Variants in TIAM1 observed in about 807,000 individuals in gnomAD.
The protein encoded by TIAM1 is TIAM Rac1 associated GEF 1.
Under a neutral mutation model 163.5 loss-of-function variants are expected in TIAM1, and 65 were observed. The ratio of observed to expected loss-of-function variants is 0.40; its 90% CI spans 0.33 to 0.49. The LOEUF is 0.49. Among genes scored for constraint, TIAM1 ranks in the 20% least tolerant of loss-of-function variants. The pLI is 0.77. For synonymous variants in TIAM1, 833 were observed against 810.1 expected (o/e 1.03, Z -0.48); for missense variants, 1,789 against 2,044.7 (o/e 0.87, Z 2.41).
chr21:31,358,230 T>C (rs1432511941), intron 2 of TIAM1, among the ~76,000 whole-genome samples: 5 of 152,164 alleles, frequency 3.3e-5, no homozygotes, highest in Non-Finnish European at 2.9e-5. Flanking sequence ...ACAAGGATGA[T>C]GGGCAGTATT....
At chr21:31,210,003 A>C (rs2086642384) in intron 11 of TIAM1, 42 bp downstream of exon 11, 2 of 1,590,778 alleles carry the variant, frequency 1.3e-6, no homozygotes, top group Non-Finnish European at 1.7e-6. Context: ...GCTACACCCC[A>C]TTCTGCTCTT....
chr21:31,199,932 A>C (rs560231313), intron 12 of TIAM1, among the ~76,000 whole-genome samples: 29 of 151,764 alleles, frequency 1.9e-4, no homozygotes, highest in East Asian at 7.7e-4. Flanking sequence ...AAAACACACA[A>C]AAAATAAATA....
chr21:31,253,506 C>T (rs2071932177), intron 4 of TIAM1, among the ~76,000 whole-genome samples: 1 of 152,186 alleles, frequency 6.6e-6, no homozygotes, highest in Non-Finnish European at 1.5e-5. Context: ...ACGAACTTCA[C>T]TTAGTTCTAA....
At chr21:31,315,679 C>CAAATAAAAAAAAA (rs2075094718) in intron 2 of TIAM1, among the ~76,000 whole-genome samples, 1 of 80,250 alleles carries the variant, frequency 1.2e-5, no homozygotes, top group Admixed American at 1.6e-4. Context: ...AACTCCATCT[C>CAAATAAAAAAAAA]AAAAAAAAAA....
intron 1 of TIAM1, among the ~76,000 whole-genome samples, chr21:31,472,799 T>C (rs2045793767): frequency 6.6e-6 from 1 of 152,240 alleles, no homozygotes. Flanking sequence ...TAACAGCATC[T>C]AGCTAACAAG....
chr21:31,498,040 G>C (rs1031008094), intron 1 of TIAM1, among the ~76,000 whole-genome samples: 1 of 152,198 alleles, frequency 6.6e-6, no homozygotes, highest in Non-Finnish European at 1.5e-5. Context: ...TCCTCCATGT[G>C]ACTGTCACAA....
intron 2 of TIAM1, among the ~76,000 whole-genome samples, chr21:31,397,502 T>G (rs571423211): frequency 6.6e-6 from 1 of 152,156 alleles, no homozygotes; most frequent in Non-Finnish European, 1.5e-5. Context: ...CCACCCAAAA[T>G]GAACATTTCT....
At chr21:31,337,306 G>A (rs2075871914) in intron 2 of TIAM1, among the ~76,000 whole-genome samples, 1 of 151,924 alleles carries the variant, frequency 6.6e-6, no homozygotes, top group African/African-American at 2.4e-5. Flanking sequence ...GCCCTTGCTA[G>A]GGATGCCCTG....
intron 2 of TIAM1, among the ~76,000 whole-genome samples, chr21:31,414,610 T>A (rs2043310265): frequency 6.6e-6 from 1 of 152,102 alleles, no homozygotes; most frequent in African/African-American, 2.4e-5. Flanking sequence ...CTTCCAGAAC[T>A]AAAATATTAA....
chr21:31,200,893 C>T (rs2086163214), intron 12 of TIAM1, among the ~76,000 whole-genome samples: 1 of 151,360 alleles, frequency 6.6e-6, no homozygotes, highest in South Asian at 2.1e-4. Flanking sequence ...GGCTGGAGAC[C>T]TTCTGCAACA....
rs146975814 is a variant in TIAM1, at chr21:31,538,848, T to C, written c.-422+20079A>G. Among the ~76,000 whole-genome samples the C allele has an allele frequency of 2.6e-5, 4 of 152,282 alleles. No homozygotes were observed. The East Asian group carries it at 7.7e-4, about 29-fold the overall frequency. On this transcript the variant is annotated intron_variant, in intron 1 of 28. Transcript: ENST00000286827. ...CTGAAACAAAAGACCAAAAATGGAC[T>C]TTCCCCAAGAAGTGGTGGGAGGAGG...
At chr21:31,187,658 A>C (rs73191666) in intron 13 of TIAM1, among the ~76,000 whole-genome samples, 12,315 of 152,226 alleles carry the variant, frequency 0.081, 673 homozygotes, top group Admixed American at 0.19. Flanking sequence ...TCATAAGATT[A>C]TCTTATACTT....
chr21:31,316,851 C>T (rs928686627), intron 2 of TIAM1, among the ~76,000 whole-genome samples: 25 of 152,122 alleles, frequency 1.6e-4, no homozygotes, highest in Non-Finnish European at 1.2e-4. Flanking sequence ...CACCGTGGAT[C>T]GTGAGGTAAC....
At chr21:31,368,961 C>T (rs557672915) in intron 2 of TIAM1, among the ~76,000 whole-genome samples, 13 of 152,064 alleles carry the variant, frequency 8.5e-5, no homozygotes, top group South Asian at 8.3e-4. Context: ...GATGATAGGT[C>T]GGGCGTGGTG....
intron 9 of TIAM1, among the ~76,000 whole-genome samples, chr21:31,215,410 A>T (rs1399006249): frequency 6.6e-6 from 1 of 151,766 alleles, no homozygotes; most frequent in Non-Finnish European, 1.5e-5. Context: ...CCAACACAAA[A>T]GTTAGCTGGG....
At chr21:31,333,296 G>C (rs2075736165) in intron 2 of TIAM1, among the ~76,000 whole-genome samples, 1 of 152,112 alleles carries the variant, frequency 6.6e-6, no homozygotes, top group South Asian at 2.1e-4. Flanking sequence ...AGTAAAACTG[G>C]AATATTAACA....
Position 31,136,001 on chromosome 21 carries a change from G to A in TIAM1, c.3815C>T (p.Thr1272Ile). 1.2e-6 allele frequency: 2 copies of A among 1,614,114 alleles called. No homozygotes were observed. The highest frequency in any genetic ancestry group is 1.7e-6 in the Non-Finnish European group (2 of 1,180,020). ...LSMGDLLLHTTVIWLNPPASL... is the reference protein window; with the variant it reads ...LSMGDLLLHTIVIWLNPPASL... The stretch of plus-strand genomic sequence containing the variant: ...GGCCGGCGGGTTCAGCCAGATCACG[G>A]TAGTGTGCAAAAGCAGGTCTCCCAT... Residue 1272 changes from threonine (T) to isoleucine (I), a missense_variant, in exon 23 of 28, where the codon ACC (threonine) becomes ATC (isoleucine). Physicochemically the swap from Thr to Ile is moderately conservative, Grantham distance 89. This residue lies in a region of TIAM1 where 415 missense variants were observed against 439.2 expected (regional missense o/e 0.94). Transcript: ENST00000541036.
At chr21:31,375,191 A>G (rs2076662999) in intron 2 of TIAM1, among the ~76,000 whole-genome samples, 2 of 152,230 alleles carry the variant, frequency 1.3e-5, no homozygotes, top group Admixed American at 1.3e-4. Context: ...TGGCTTTCAC[A>G]AACATTTCAG....
chr21:31,453,078 C>G (rs1234424870), intron 2 of TIAM1: 1 of 376,666 alleles, frequency 2.7e-6, no homozygotes, highest in Non-Finnish European at 5.2e-6. Flanking sequence ...ATTGGATCTT[C>G]TGTTTGGAGA....
Sources: gnomAD v4.1 joint callset for allele counts (sites outside exome capture counted in the v4.1 genomes callset) on GRCh38, gnomAD v4.1.1 for gene constraint, gnomAD v4.1.1 regional missense constraint, MANE v1.5 for transcripts, NCBI Gene and HGNC (gene_info 2026-07-23, HGNC 2026-07-21) for gene names.